The following RAB38 variants were observed in gnomAD, a reference collection of about 807,000 sequenced individuals.
RAB38 encodes the protein ras-related protein Rab-38.
RAB38 carries 15 observed loss-of-function variants against 18.4 expected under a neutral mutation model. That is an observed-to-expected ratio of 0.82 (90% CI 0.55 to 1.26). The LOEUF is 1.26. RAB38 is among the 50% of genes most tolerant of loss of function. The probability of loss-of-function intolerance (pLI) is 0.00; values close to 1 mark genes in which losing one functional copy is unlikely to be tolerated. For synonymous variants in RAB38, 101 were observed against 104.4 expected (o/e 0.97, Z 0.20); for missense variants, 294 against 267.4 (o/e 1.10, Z -0.69).
chr11:87,848,621 AAAGATGTCT>A, the RAB38 span, among the ~76,000 whole-genome samples: 1 of 152,170 alleles, frequency 6.6e-6, no homozygotes, highest in Non-Finnish European at 1.5e-5. Flanking sequence ...CACCAAATTT[AAAGATGTCT>A]TTCTTCTGTA....
rs79353735 is a variant in RAB38 at position 88,149,528 on chromosome 11, A to C, written c.483+147T>G. 1.9e-4 allele frequency: 185 copies of C among 956,400 alleles called. No individual in the cohort carries two copies. In the African/African-American group the frequency reaches 2.4e-3, roughly 12 times the overall value. 59.2% of individuals were successfully genotyped at this position (956,400 alleles called of 1,614,324 possible). Reference sequence around the variant, plus strand: ...AATTCCTGCCTTACCTACTCATTGCACTGAGATGAGAAAGAGCTTAGAGCA... The same window carrying C: ...AATTCCTGCCTTACCTACTCATTGCCCTGAGATGAGAAAGAGCTTAGAGCA... On this transcript the variant is annotated intron_variant, in intron 2 of 2. Coordinates refer to ENST00000243662, the MANE Select transcript of RAB38 (RefSeq NM_022337.3).
At chr11:87,874,613 C>T in the RAB38 span, among the ~76,000 whole-genome samples, 1 of 150,186 alleles carries the variant, frequency 6.7e-6, no homozygotes, top group Non-Finnish European at 1.5e-5. Context: ...CAAACCTGCA[C>T]GTTGTGCACA....
chr11:87,873,930 A>G, the RAB38 span, among the ~76,000 whole-genome samples: 147 of 140,112 alleles, frequency 1.0e-3, 6 homozygotes, highest in African/African-American at 2.5e-3. Context: ...GTGTATATAT[A>G]TATATATATA....
the RAB38 span, among the ~76,000 whole-genome samples, chr11:87,873,942 A>ATATATATATG: frequency 7.0e-6 from 1 of 143,314 alleles, no homozygotes; most frequent in Admixed American, 7.3e-5. Flanking sequence ...ATATATATAT[A>ATATATATATG]TATATATACT....
At chr11:88,121,132 A>G (rs7124360) in intron 2 of RAB38, among the ~76,000 whole-genome samples, 137,128 of 152,198 alleles carry the variant, frequency 0.9, 62,263 homozygotes, top group Non-Finnish European at 0.95. Context: ...ACCATGAAAC[A>G]TTATCTTTAG....
the RAB38 span, among the ~76,000 whole-genome samples, chr11:87,832,369 T>C: frequency 6.6e-6 from 1 of 152,108 alleles, no homozygotes; most frequent in Non-Finnish European, 1.5e-5. Flanking sequence ...AGTTGTGTAG[T>C]TCTGAAGTCC....
Position 88,175,172 on chromosome 11 carries a change from C to G in RAB38, c.202+11G>C, listed in dbSNP as rs548652145. On this transcript the variant is annotated intron_variant, in intron 1 of 2. Transcript: ENST00000243662. ...CGCTCTATCCCCCTGACCCCCTCCC[C>G]CCGCGCTCACCTGCGATATCCCAGA... The G allele has an allele frequency of 1.9e-6, 3 of 1,586,418 alleles. No homozygotes were observed. Among genetic ancestry groups the G allele is most frequent in the Middle Eastern group, 1.8e-4 (1 of 5,620 alleles).
chr11:87,870,614 G>A, the RAB38 span, among the ~76,000 whole-genome samples: 77 of 151,668 alleles, frequency 5.1e-4, no homozygotes, highest in African/African-American at 1.8e-3. Context: ...GCTCCTATTT[G>A]TATTATCAAC....
the RAB38 span, among the ~76,000 whole-genome samples, chr11:88,068,640 A>C: frequency 6.6e-6 from 1 of 152,356 alleles, no homozygotes; most frequent in Admixed American, 6.5e-5. Context: ...GACACAAATA[A>C]GCATTTTATA....
chr11:87,817,020 AATT>A, the RAB38 span: 1 of 152,150 alleles, frequency 6.6e-6, no homozygotes, highest in African/African-American at 2.4e-5. Context: ...TCCTTAGATT[AATT>A]TTATGAGGTA....
At chr11:87,894,976 G>A in the RAB38 span, among the ~76,000 whole-genome samples, 1 of 151,568 alleles carries the variant, frequency 6.6e-6, no homozygotes, top group Non-Finnish European at 1.5e-5. Flanking sequence ...AGCTATCAAA[G>A]TATTAAGTCA....
At chr11:87,887,881 C>A in the RAB38 span, among the ~76,000 whole-genome samples, 2 of 151,670 alleles carry the variant, frequency 1.3e-5, no homozygotes, top group African/African-American at 4.8e-5. Flanking sequence ...TAAGAAAAAC[C>A]AGTTTGACTA....
chr11:87,830,285 G>C, the RAB38 span, among the ~76,000 whole-genome samples: 982 of 152,116 alleles, frequency 6.5e-3, 9 homozygotes, highest in Non-Finnish European at 9.3e-3. Context: ...TTTGAGACCA[G>C]TCTGGGCAAC....
At chr11:87,920,263 A>T in the RAB38 span, among the ~76,000 whole-genome samples, 1 of 151,152 alleles carries the variant, frequency 6.6e-6, no homozygotes, top group Non-Finnish European at 1.5e-5. Context: ...TTCTTTTTTG[A>T]TGTAGGAATT....
the RAB38 span, among the ~76,000 whole-genome samples, chr11:87,853,074 G>A: frequency 6.6e-6 from 1 of 152,096 alleles, no homozygotes; most frequent in Non-Finnish European, 1.5e-5. Context: ...TGTTATAGTT[G>A]TGATATCACA....
intron 1 of RAB38, among the ~76,000 whole-genome samples, chr11:88,154,443 G>T (rs1050412594): frequency 6.6e-6 from 1 of 152,206 alleles, no homozygotes; most frequent in Non-Finnish European, 1.5e-5. Context: ...CTACTGGGCA[G>T]TAATACTTGT....
At chr11:88,110,490 C>G (rs1019957558), downstream of RAB38, among the ~76,000 whole-genome samples, 1 of 152,004 alleles carries the variant, frequency 6.6e-6, no homozygotes, top group African/African-American at 2.4e-5. Flanking sequence ...CCTGCACATT[C>G]TGCATATGTA....
chr11:87,951,656 G>A, the RAB38 span, among the ~76,000 whole-genome samples: 1 of 152,182 alleles, frequency 6.6e-6, no homozygotes, highest in Non-Finnish European at 1.5e-5. Flanking sequence ...GTTTGCTAGA[G>A]GTCCACTCCA....
At chr11:88,015,132 T>C in the RAB38 span, among the ~76,000 whole-genome samples, 134 of 152,208 alleles carry the variant, frequency 8.8e-4, 2 homozygotes, top group East Asian at 0.022. Context: ...ATTGCCATTA[T>C]TTTTCTTAAG....
Sources: allele counts gnomAD v4.1 joint callset (sites outside exome capture counted in the v4.1 genomes callset), GRCh38; gene constraint gnomAD v4.1.1; transcripts MANE v1.5; gene names NCBI Gene and HGNC (gene_info 2026-07-23, HGNC 2026-07-21).